MYO16: variants seen among roughly 807,000 people sequenced by gnomAD.
MYO16 encodes the protein myosin XVI, also known as unconventional myosin-XVI.
Under a neutral mutation model 205.3 loss-of-function variants are expected in MYO16, and 94 were observed. That is an observed-to-expected ratio of 0.46 (90% CI 0.39 to 0.54). MYO16 has a LOEUF of 0.54. Ranked by LOEUF, MYO16 falls within the 20% of genes least tolerant of loss-of-function variation. The probability of loss-of-function intolerance (pLI) is 0.00; values close to 1 mark genes in which losing one functional copy is unlikely to be tolerated. For missense variants in MYO16, 2,315 were observed against 2,387.5 expected (o/e 0.97, Z 0.63); for synonymous variants, 988 against 954.0 (o/e 1.04, Z -0.66).
intron 18 of MYO16, 136 bp downstream of exon 18, chr13:108,961,792 G>A (rs7997846): frequency 2.1e-5 from 14 of 668,886 alleles, no homozygotes; most frequent in Non-Finnish European, 3.4e-5. Flanking sequence ...GTGAGGGGGG[G>A]AAATTGTCTA....
the MYO16 span, among the ~76,000 whole-genome samples, chr13:108,561,244 T>G: frequency 6.6e-6 from 1 of 152,218 alleles, no homozygotes; most frequent in East Asian, 1.9e-4. Context: ...CAGGAGACCC[T>G]TACATACTAT....
chr13:108,757,376 A>T (rs1346730572), intron 4 of MYO16, among the ~76,000 whole-genome samples: 5 of 152,210 alleles, frequency 3.3e-5, no homozygotes, highest in Admixed American at 2.6e-4. Context: ...GGAGTCTCTA[A>T]CATATCCTTG....
the MYO16 span, among the ~76,000 whole-genome samples, chr13:108,517,382 C>G: frequency 6.6e-6 from 1 of 152,242 alleles, no homozygotes; most frequent in Non-Finnish European, 1.5e-5. Flanking sequence ...AAAATCCTGA[C>G]AGGTTAACAT....
intron 4 of MYO16, among the ~76,000 whole-genome samples, chr13:108,750,943 C>T (rs1054131208): frequency 6.6e-6 from 1 of 152,154 alleles, no homozygotes; most frequent in African/African-American, 2.4e-5. Context: ...GCTAGAGTGA[C>T]TCATGCGGTG....
chr13:108,626,899 G>A (rs1253372767), upstream of MYO16, among the ~76,000 whole-genome samples: 1 of 144,568 alleles, frequency 6.9e-6, no homozygotes, highest in African/African-American at 2.5e-5. Context: ...ATGTATATAT[G>A]TATATTATAT....
chr13:108,986,376 C>G (rs1181314420), intron 20 of MYO16, among the ~76,000 whole-genome samples: 1 of 151,958 alleles, frequency 6.6e-6, no homozygotes, highest in Non-Finnish European at 1.5e-5. Flanking sequence ...AATCCCAGCA[C>G]TTAAGGGAGG....
the MYO16 span, among the ~76,000 whole-genome samples, chr13:108,530,722 A>T: frequency 6.6e-6 from 1 of 152,342 alleles, no homozygotes; most frequent in Non-Finnish European, 1.5e-5. Context: ...TGTATCATAT[A>T]TACAATATAA....
chr13:108,665,858 G>A (rs777048449), intron 1 of MYO16, 28 bp from the exon 2 acceptor site: 1 of 1,603,838 alleles, frequency 6.2e-7, no homozygotes, highest in Non-Finnish European at 8.5e-7. Flanking sequence ...TAATAGGTCT[G>A]GTGACGCTCC....
At chr13:109,095,096 A>C (rs1380063920) in intron 27 of MYO16, among the ~76,000 whole-genome samples, 1 of 152,200 alleles carries the variant, frequency 6.6e-6, no homozygotes, top group African/African-American at 2.4e-5. Context: ...TCTAGATATG[A>C]AAGTAGATAA....
At chr13:109,130,961 G>A (rs557521008) in intron 31 of MYO16, among the ~76,000 whole-genome samples, 5 of 152,066 alleles carry the variant, frequency 3.3e-5, no homozygotes, top group African/African-American at 9.6e-5. Flanking sequence ...CATCATCACC[G>A]AAGCTTCTCT....
At chr13:108,884,861 G>A (rs1441534227) in intron 13 of MYO16, among the ~76,000 whole-genome samples, 3 of 151,166 alleles carry the variant, frequency 2.0e-5, no homozygotes, top group African/African-American at 7.3e-5. Context: ...GGATGAGAAA[G>A]GCTCTGAGAC....
chr13:108,807,027 AAAT>A (rs1469788463), intron 7 of MYO16, among the ~76,000 whole-genome samples: 1 of 152,208 alleles, frequency 6.6e-6, no homozygotes, highest in Non-Finnish European at 1.5e-5. Flanking sequence ...GTCATTGAAG[AAAT>A]AATCAAAATC....
rs376156780 is a variant in MYO16, at chr13:108,844,910, A to G, written c.1248+417A>G. 9.2e-5 allele frequency among the ~76,000 whole-genome samples: 14 copies of G among 152,132 alleles called. No homozygotes were observed. In the East Asian group the frequency reaches 1.7e-3, roughly 19 times the overall value. On this transcript the variant is annotated intron_variant, in intron 10 of 34. Transcript: ENST00000457511. Reference sequence around the variant, plus strand: ...AAAAGTAACTGTGGTCATGCATTGCATGTGTATCTGTACGTGTCTGTGTGT... The same window carrying G: ...AAAAGTAACTGTGGTCATGCATTGCGTGTGTATCTGTACGTGTCTGTGTGT...
intron 2 of MYO16, among the ~76,000 whole-genome samples, chr13:108,690,157 T>C (rs1321670344): frequency 6.6e-6 from 1 of 151,978 alleles, no homozygotes; most frequent in East Asian, 2.0e-4. Flanking sequence ...AAAACAAAAA[T>C]GCACTTGTAC....
chr13:108,782,167 G>A (rs1886324420), intron 4 of MYO16, among the ~76,000 whole-genome samples: 1 of 152,316 alleles, frequency 6.6e-6, no homozygotes, highest in South Asian at 2.1e-4. Context: ...ACTTCCTAGA[G>A]ACTTGTTGAA....
chr13:109,040,309 C>A (rs1220397357), intron 23 of MYO16, among the ~76,000 whole-genome samples: 1 of 150,066 alleles, frequency 6.7e-6, no homozygotes, highest in Non-Finnish European at 1.5e-5. Context: ...CTCTCTAATT[C>A]ATTTGATAAA....
chr13:108,907,060 G>A (rs1173623289), intron 15 of MYO16, among the ~76,000 whole-genome samples: 1 of 152,196 alleles, frequency 6.6e-6, no homozygotes, highest in African/African-American at 2.4e-5. Context: ...TCTGGAAACA[G>A]GCCCTAAGTG....
At chr13:108,846,324 A>G (rs772815691) in intron 10 of MYO16, among the ~76,000 whole-genome samples, 5 of 152,284 alleles carry the variant, frequency 3.3e-5, no homozygotes, top group East Asian at 3.9e-4. Flanking sequence ...TTATTTTACA[A>G]CAGTTGAAAC....
rs991866039 is a variant in MYO16 at position 109,046,921 on chromosome 13, G to A, written c.2802G>A (p.Met934Ile). The A allele has an allele frequency of 7.5e-6, 12 of 1,604,086 alleles. No individual in the cohort carries two copies. Among genetic ancestry groups the A allele is most frequent in the Non-Finnish European group, 1.0e-5 (12 of 1,171,330 alleles). The change falls in exon 24 of 35, where the codon ATG becomes ATA. Residue 934 changes from methionine (M) to isoleucine (I), a missense_variant. By Grantham distance (10) the Met-to-Ile change is conservative. Coordinates refer to ENST00000457511, the MANE Select transcript of MYO16 (RefSeq NM_001198950.3). ...GCTGCTTTCTTTTATTCTAGGTAATGTATGATGTTGTTGGGGCGATTGAAA... is the reference window on the plus strand; with the variant it reads ...GCTGCTTTCTTTTATTCTAGGTAATATATGATGTTGTTGGGGCGATTGAAA... ...FTIMHYAGRV[M>I]YDVVGAIEKN...
Sources: gnomAD v4.1 joint callset for allele counts (sites outside exome capture counted in the v4.1 genomes callset) on GRCh38, gnomAD v4.1.1 for gene constraint, MANE v1.5 for transcripts, NCBI Gene and HGNC (gene_info 2026-07-23, HGNC 2026-07-21) for gene names.